Variants in SNX29 observed in about 807,000 individuals in gnomAD.
The protein encoded by SNX29 is sorting nexin 29.
A neutral mutation model predicts 102.1 loss-of-function variants in SNX29; 78 were observed. That is an observed-to-expected ratio of 0.76 (90% confidence interval 0.64 to 0.92). SNX29 has a LOEUF of 0.92. Ranked by LOEUF, SNX29 falls within the 40% of genes least tolerant of loss-of-function variation. The probability of loss-of-function intolerance (pLI) is 0.00; values close to 1 mark genes in which losing one functional copy is unlikely to be tolerated. For synonymous variants in SNX29, 580 were observed against 414.5 expected (o/e 1.40, Z -4.85); for missense variants, 1,280 against 1,061.7 (o/e 1.21, Z -2.86).
At chr16:12,219,759 T>C (rs1180237861) in intron 14 of SNX29, among the ~76,000 whole-genome samples, 1 of 152,276 alleles carries the variant, frequency 6.6e-6, no homozygotes, top group Non-Finnish European at 1.5e-5. Flanking sequence ...CTGTGGTTTT[T>C]GTGTTTCACT....
intron 10 of SNX29, among the ~76,000 whole-genome samples, chr16:12,077,684 G>A (rs2051646245): frequency 6.6e-6 from 1 of 152,086 alleles, no homozygotes; most frequent in African/African-American, 2.4e-5. Flanking sequence ...GCAGTGGCGT[G>A]ATCTTGGCTC....
At chr16:12,124,508 G>T (rs1260642726) in intron 11 of SNX29, among the ~76,000 whole-genome samples, 1 of 152,132 alleles carries the variant, frequency 6.6e-6, no homozygotes, top group Non-Finnish European at 1.5e-5. Context: ...TATTTCCTTA[G>T]CGGAGTTGGT....
chr16:12,308,430 C>T (rs887517535), intron 15 of SNX29, among the ~76,000 whole-genome samples: 1 of 152,182 alleles, frequency 6.6e-6, no homozygotes, highest in Non-Finnish European at 1.5e-5. Context: ...TAGTAGCGGC[C>T]ACATCCTGGA....
At chr16:12,077,873 G>A (rs975815107) in intron 10 of SNX29, among the ~76,000 whole-genome samples, 3 of 152,058 alleles carry the variant, frequency 2.0e-5, no homozygotes, top group Non-Finnish European at 2.9e-5. Flanking sequence ...CACCCGCCTC[G>A]GCCTCCCAAA....
At chr16:12,568,271 C>A (rs774727121) in intron 20 of SNX29, among the ~76,000 whole-genome samples, 4 of 145,466 alleles carry the variant, frequency 2.7e-5, no homozygotes, top group Non-Finnish European at 4.5e-5. Context: ...CTCAGACTCA[C>A]AGCCAAGCTT....
intron 18 of SNX29, among the ~76,000 whole-genome samples, chr16:12,416,319 C>T (rs569983404): frequency 6.6e-6 from 1 of 152,298 alleles, no homozygotes; most frequent in Admixed American, 6.5e-5. Context: ...ATTGCAGAGT[C>T]ACAGTTAGAC....
At chr16:12,451,803 G>GCC (rs1254955660) in intron 18 of SNX29, among the ~76,000 whole-genome samples, 1 of 152,246 alleles carries the variant, frequency 6.6e-6, no homozygotes, top group Non-Finnish European at 1.5e-5. Context: ...GGCAGAAGTT[G>GCC]CAGTGAGCCC....
At chr16:12,564,248 G>C (rs569366589) in intron 20 of SNX29, among the ~76,000 whole-genome samples, 70 of 152,250 alleles carry the variant, frequency 4.6e-4, no homozygotes, top group African/African-American at 1.5e-3. Context: ...TCTCTACTCA[G>C]TTCCTTTGGT....
intron 14 of SNX29, among the ~76,000 whole-genome samples, chr16:12,255,291 G>A (rs1199911090): frequency 1.3e-5 from 2 of 152,032 alleles, no homozygotes; most frequent in African/African-American, 4.8e-5. Context: ...TGCTTCCCGG[G>A]TTCAAGTGAT....
At chr16:12,534,453 A>T (rs775349644) in intron 20 of SNX29, among the ~76,000 whole-genome samples, 12 of 152,124 alleles carry the variant, frequency 7.9e-5, no homozygotes, top group African/African-American at 1.7e-4. Context: ...AAGAACGCAG[A>T]TTAGGGAGGC....
At chr16:12,072,749 G>T (rs1364992951) in intron 10 of SNX29, among the ~76,000 whole-genome samples, 1 of 152,054 alleles carries the variant, frequency 6.6e-6, no homozygotes, top group Non-Finnish European at 1.5e-5. Context: ...AATGGTACCA[G>T]TTCCTCCTTG....
intron 14 of SNX29, among the ~76,000 whole-genome samples, chr16:12,241,557 T>G (rs913197441): frequency 1.3e-5 from 2 of 152,106 alleles, no homozygotes; most frequent in Admixed American, 6.5e-5. Context: ...CCTCCTGGGT[T>G]CAAGTGATCT....
intron 13 of SNX29, among the ~76,000 whole-genome samples, chr16:12,168,024 A>G (rs1329810115): frequency 6.6e-6 from 1 of 152,158 alleles, no homozygotes; most frequent in Non-Finnish European, 1.5e-5. Context: ...CTCTCAAGGA[A>G]AGACAAAATC....
At chr16:12,301,771 G>C (rs1003670097) in intron 15 of SNX29, among the ~76,000 whole-genome samples, 1 of 152,178 alleles carries the variant, frequency 6.6e-6, no homozygotes, top group Non-Finnish European at 1.5e-5. Flanking sequence ...TAACATTCTG[G>C]TGTTTCTCTG....
At chr16:12,557,740 T>C (rs914766012) in intron 20 of SNX29, 2 of 152,218 alleles carry the variant, frequency 1.3e-5, no homozygotes, top group Non-Finnish European at 2.9e-5. Flanking sequence ...AGTAGTGCAC[T>C]GCATTGTGAT....
In SNX29 at chr16:12,539,989, AGCTTCTTTTCAGTGTCTTTT is replaced by A. The variant is rs542247937; in HGVS notation, c.2318+15151_2318+15170del. ...TTGCACATATTTTCTTCTAGTCTTC[AGCTTCTTTTCAGTGTCTTTT>A]GCATGACACCTTTTTAATTTTGATG... On this transcript the variant is annotated intron_variant, in intron 20 of 20. Coordinates refer to ENST00000566228, the MANE Select transcript of SNX29 (RefSeq NM_032167.5). Among the ~76,000 whole-genome samples the A allele has an allele frequency of 9.9e-5, 15 of 152,274 alleles. No homozygotes were observed. The South Asian group carries it at 2.1e-3, about 21-fold the overall frequency.
chr16:12,546,518 A>C lies in SNX29; in HGVS notation c.2318+21677A>C, dbSNP rs546497782. ...AAAGACTCGCCCCTGTGATTCAATT[A>C]TCTCCCAATGGGTCCCTCCCATGAT... On this transcript the variant is annotated intron_variant, in intron 20 of 20. Transcript: ENST00000566228. The C allele has an allele frequency of 3.9e-5, 6 of 152,332 alleles. No individual in the cohort carries two copies. In the East Asian group the frequency reaches 9.7e-4, roughly 25 times the overall value. 9.4% of individuals were successfully genotyped at this position (152,332 alleles called of 1,614,324 possible). A position where few individuals can be genotyped will look rare whatever the true frequency, so the allele number is the denominator to read the frequency against.
intron 13 of SNX29, among the ~76,000 whole-genome samples, chr16:12,197,988 C>T (rs900187091): frequency 3.3e-5 from 5 of 152,096 alleles, no homozygotes; most frequent in African/African-American, 1.2e-4. Flanking sequence ...TCAAGTTTTT[C>T]AACTAAGTCA....
rs376360576 is a variant in SNX29 at position 12,568,571 on chromosome 16, T to A, written c.2384T>A (p.Leu795Gln). 65 of 1,607,924 alleles carry A rather than the reference T, an allele frequency of 4.0e-5. No individual in the cohort carries two copies. Among genetic ancestry groups the A allele is most frequent in the Non-Finnish European group, 5.4e-5 (64 of 1,179,844 alleles). The change falls in exon 21 of 21, where the codon CTG (leucine) becomes CAG (glutamine). Residue 795 changes from leucine to glutamine, a missense_variant. By Grantham distance (113) the Leu-to-Gln change is moderately radical (BLOSUM62 -2). Transcript: ENST00000566228. The part of the protein sequence containing the change: ...RPKAASRFPK[L>Q]SRGQPRETRN... ...AAAGCAGCTTCCCGCTTCCCCAAAC[T>A]GTCCCGGGGTCAGCCCCGGGAGACC...
Sources: gnomAD v4.1 joint callset for allele counts (sites outside exome capture counted in the v4.1 genomes callset) on GRCh38, gnomAD v4.1.1 for gene constraint, MANE v1.5 for transcripts, NCBI Gene and HGNC (gene_info 2026-07-23, HGNC 2026-07-21) for gene names.